The following FAM222B variants were observed in gnomAD, a reference collection of about 807,000 sequenced individuals.
The protein encoded by FAM222B is protein FAM222B.
In FAM222B, 12 loss-of-function variants were observed where a neutral mutation model predicts 38.0. That is an observed-to-expected ratio of 0.32 (90% CI 0.20 to 0.51). The LOEUF (loss-of-function observed/expected upper bound fraction) is 0.51, where lower values mean the gene tolerates loss of function less well. Among genes scored for constraint, FAM222B ranks in the 20% least tolerant of loss-of-function variants. The pLI is 0.97. For synonymous variants in FAM222B, 329 were observed against 317.2 expected (o/e 1.04, Z -0.40); for missense variants, 716 against 754.2 (o/e 0.95, Z 0.59).
intron 1 of FAM222B, among the ~76,000 whole-genome samples, chr17:28,851,623 A>G: frequency 6.6e-6 from 1 of 151,852 alleles, no homozygotes; most frequent in Non-Finnish European, 1.5e-5. Flanking sequence ...CATCCCTGTA[A>G]TCCCAGCACT....
chr17:28,778,440 G>T (rs2035996104), intron 1 of FAM222B, among the ~76,000 whole-genome samples: 1 of 150,978 alleles, frequency 6.6e-6, no homozygotes, highest in Non-Finnish European at 1.5e-5. Context: ...TCTTTTTTAT[G>T]GCTGCAGGCT....
intron 1 of FAM222B, among the ~76,000 whole-genome samples, chr17:28,838,546 C>T (rs1229192950): frequency 4.0e-5 from 6 of 151,528 alleles, no homozygotes; most frequent in African/African-American, 1.5e-4. Flanking sequence ...CGTCACTGCA[C>T]TCCAGTCTGG....
rs559806041 is a variant in FAM222B at position 28,807,467 on chromosome 17, C to T, written c.-41+35215G>A. 1.4e-3 allele frequency among the ~76,000 whole-genome samples: 211 copies of T among 152,252 alleles called. 2 individuals are homozygous for T. The highest frequency in any genetic ancestry group is 0.013 in the South Asian group (65 of 4,824). Reference sequence around the variant, plus strand: ...GTCCAACGATCTCAGCTCACTGCAACCCCCACTTCCTGGGTTCAAGCAATT... The same window carrying T: ...GTCCAACGATCTCAGCTCACTGCAATCCCCACTTCCTGGGTTCAAGCAATT... On this transcript the variant is annotated intron_variant, in intron 1 of 2. Transcript: ENST00000581407.
chr17:28,813,164 A>G (rs931058600), intron 1 of FAM222B, among the ~76,000 whole-genome samples: 1 of 149,026 alleles, frequency 6.7e-6, no homozygotes, highest in Non-Finnish European at 1.5e-5. Context: ...AAAAAAAAAA[A>G]CACACATAGT....
rs773766356 is a variant in FAM222B, at chr17:28,758,964, G to A, written c.995C>T (p.Ala332Val). ...CVVNPMEHTH[A>V]ATAALPAAGP... ...TGCAGCAGGCAACGCGGCGGTGGCC[G>A]CGTGGGTGTGCTCCATGGGATTGAC... Residue 332 changes from alanine (A) to valine (V), a missense_variant, in exon 3 of 3, where the codon GCG (alanine) becomes GTG (valine). Physicochemically the swap from Ala to Val is moderately conservative, Grantham distance 64. Transcript: ENST00000581407. The A allele has an allele frequency of 1.2e-5, 20 of 1,610,816 alleles. No homozygotes were observed. In the East Asian group the frequency reaches 3.6e-4, roughly 29 times the overall value.
chr17:28,786,965 C>T (rs534573354), intron 1 of FAM222B, among the ~76,000 whole-genome samples: 3 of 138,348 alleles, frequency 2.2e-5, no homozygotes, highest in Admixed American at 8.1e-5. Context: ...AGTGCAGTGG[C>T]GCGATCTCGA....
At position 28,759,710 on chromosome 17, in the gene FAM222B, T is replaced by A. The variant is rs1465224830; in HGVS notation, c.249A>T (p.Thr83=). The change falls in exon 3 of 3, where the codon ACA becomes ACT. Residue 83 remains threonine, a synonymous_variant. Transcript: ENST00000581407. The surrounding 1 kb of genome is among the most constrained non-coding windows in gnomAD (Gnocchi z 4.8). ...HVRRTVNGLD[T]SAQRYSPYPT... ...GGTAGGGGCTGTAGCGCTGGGCTGA[T>A]GTGTCGAGGCCGTTCACAGTACGAC... The A allele has an allele frequency of 6.2e-7, 1 of 1,613,710 alleles. No homozygotes were observed. Among genetic ancestry groups the A allele is most frequent in the Non-Finnish European group, 8.5e-7 (1 of 1,179,822 alleles).
chr17:28,824,616 T>C (rs2038373824), intron 1 of FAM222B, among the ~76,000 whole-genome samples: 1 of 152,194 alleles, frequency 6.6e-6, no homozygotes, highest in Admixed American at 6.5e-5. Context: ...TCCAAAGGTG[T>C]AACAATCCCA....
intron 1 of FAM222B, among the ~76,000 whole-genome samples, chr17:28,782,734 G>A (rs2036216895): frequency 6.6e-6 from 1 of 152,172 alleles, no homozygotes; most frequent in South Asian, 2.1e-4. Context: ...TGGGCACAGT[G>A]ACATATACCT....
At chr17:28,782,990 T>C (rs536415161) in intron 1 of FAM222B, among the ~76,000 whole-genome samples, 1 of 151,816 alleles carries the variant, frequency 6.6e-6, no homozygotes, top group Non-Finnish European at 1.5e-5. Flanking sequence ...TACAAAAAAT[T>C]AGCCGGGTGA....
intron 1 of FAM222B, among the ~76,000 whole-genome samples, chr17:28,840,944 G>C (rs893745321): frequency 8.0e-5 from 12 of 150,318 alleles, no homozygotes; most frequent in Admixed American, 6.7e-4. Flanking sequence ...CTGGGTGACA[G>C]AGCAAGACTC....
chr17:28,784,449 T>C (rs1275137053), intron 1 of FAM222B, among the ~76,000 whole-genome samples: 2 of 124,744 alleles, frequency 1.6e-5, no homozygotes, highest in Non-Finnish European at 3.1e-5. Context: ...GAATATCCAC[T>C]GTACTCCAGC....
At chr17:28,788,330 C>T (rs1378685297) in intron 1 of FAM222B, among the ~76,000 whole-genome samples, 1 of 152,168 alleles carries the variant, frequency 6.6e-6, no homozygotes. Context: ...CCTTGAACTT[C>T]TAGGCTTAAC....
intron 1 of FAM222B, among the ~76,000 whole-genome samples, chr17:28,841,933 A>C (rs2039051319): frequency 6.6e-6 from 1 of 152,210 alleles, no homozygotes. Context: ...GAGGTTTTAC[A>C]AACAATACGC....
chr17:28,853,193 C>CA (rs71359260), intron 1 of FAM222B, among the ~76,000 whole-genome samples: 9,525 of 112,050 alleles, frequency 0.085, 427 homozygotes, highest in Middle Eastern at 0.15. Flanking sequence ...AACTCTGTCT[C>CA]AAAAAAAAAA....
intron 1 of FAM222B, among the ~76,000 whole-genome samples, chr17:28,786,355 A>C (rs2036412325): frequency 6.6e-6 from 1 of 152,244 alleles, no homozygotes; most frequent in African/African-American, 2.4e-5. Context: ...ATACATAGGC[A>C]AAGGAAAGCT....
chr17:28,771,990 G>A (rs1279830843), intron 1 of FAM222B, among the ~76,000 whole-genome samples: 1 of 152,162 alleles, frequency 6.6e-6, no homozygotes, highest in South Asian at 2.1e-4. Context: ...CCGGGAGGCG[G>A]AGCTTGCAGT....
chr17:28,778,719 ATTTTTTTT>A (rs59098589), intron 1 of FAM222B, among the ~76,000 whole-genome samples: 5 of 25,492 alleles, frequency 2.0e-4, no homozygotes, highest in South Asian at 2.6e-3. Flanking sequence ...ATATATATAT[ATTTTTTTT>A]TTTTTTTTTT....
intron 1 of FAM222B, among the ~76,000 whole-genome samples, chr17:28,839,538 T>C (rs1034159681): frequency 3.3e-5 from 5 of 152,074 alleles, no homozygotes; most frequent in Non-Finnish European, 5.9e-5. Flanking sequence ...TTTGAACTGA[T>C]GGAAATTTCC....
Sources: allele counts gnomAD v4.1 joint callset (sites outside exome capture counted in the v4.1 genomes callset), GRCh38; gene constraint gnomAD v4.1.1; non-coding constraint Gnocchi (gnomAD v3.1); transcripts MANE v1.5; gene names NCBI Gene and HGNC (gene_info 2026-07-23, HGNC 2026-07-21).